DYTN: variants seen among roughly 807,000 people sequenced by gnomAD.
DYTN encodes dystrotelin.
DYTN carries 75 observed loss-of-function variants against 69.6 expected under a neutral mutation model. The observed-to-expected ratio is 1.08, with a 90% CI of 0.89 to 1.31. The LOEUF is 1.31. Among genes scored for constraint, DYTN ranks in the 50% most tolerant of loss-of-function variants. The pLI, the probability that DYTN is intolerant of heterozygous loss-of-function variation, is 0.00. For missense variants in DYTN, 726 were observed against 688.4 expected (o/e 1.05, Z -0.61); for synonymous variants, 252 against 249.1 (o/e 1.01, Z -0.11).
At chr2:206,657,347 C>T (rs997227207) in intron 11 of DYTN, among the ~76,000 whole-genome samples, 2 of 152,108 alleles carry the variant, frequency 1.3e-5, no homozygotes, top group African/African-American at 4.8e-5. Flanking sequence ...CAGCTTCAAG[C>T]TAGTAACTGC....
At chr2:206,681,676 G>A (rs372873602) in intron 9 of DYTN, among the ~76,000 whole-genome samples, 8 of 152,138 alleles carry the variant, frequency 5.3e-5, no homozygotes, top group African/African-American at 1.7e-4. Flanking sequence ...GATGGATTAT[G>A]TTTATTGCTT....
chr2:206,699,338 T>G lies in DYTN; in HGVS notation c.719+389A>C, dbSNP rs151003497. On this transcript the variant is annotated intron_variant, in intron 7 of 11. Coordinates refer to ENST00000452335, the MANE Select transcript of DYTN (RefSeq NM_001093730.1). ...CCCCCAGCTACCCAGGAGGCTGAGC[T>G]GCAAGGATGACTTCAGCTTAGGGGT... is the stretch of plus-strand genomic sequence containing the variant. Among the ~76,000 whole-genome samples the G allele has an allele frequency of 4.9e-3, 739 of 152,244 alleles. 4 individuals carry two copies. Among genetic ancestry groups the G allele is most frequent in the Middle Eastern group, 0.017 (5 of 294 alleles).
At chr2:206,668,774 G>A (rs1218954367) in intron 9 of DYTN, among the ~76,000 whole-genome samples, 6 of 152,124 alleles carry the variant, frequency 3.9e-5, no homozygotes, top group Non-Finnish European at 8.8e-5. Flanking sequence ...CACGTGTCAA[G>A]GGCAGGACCA....
intron 11 of DYTN, among the ~76,000 whole-genome samples, chr2:206,659,338 A>AT (rs759945310): frequency 4.7e-5 from 7 of 150,322 alleles, no homozygotes; most frequent in African/African-American, 1.2e-4. Flanking sequence ...CGCCCGGCTA[A>AT]TTTTTTTTGT....
intron 6 of DYTN, 107 bp downstream of exon 6, chr2:206,700,038 G>T: frequency 6.4e-7 from 1 of 1,550,956 alleles, no homozygotes; most frequent in East Asian, 2.3e-5. Flanking sequence ...TCAGTTATCT[G>T]AGATGCTATG....
chr2:206,659,469 G>A (rs1699484067), intron 11 of DYTN, among the ~76,000 whole-genome samples: 3 of 131,998 alleles, frequency 2.3e-5, no homozygotes, highest in South Asian at 2.5e-4. Context: ...CCACCACGCC[G>A]GGCCCAACAA....
chr2:206,690,222 G>A (rs886101311), intron 9 of DYTN, among the ~76,000 whole-genome samples: 2 of 152,186 alleles, frequency 1.3e-5, no homozygotes, highest in African/African-American at 2.4e-5. Context: ...AAGCCACGCA[G>A]GGAGGTGATC....
At chr2:206,706,430 G>A (rs1700025755) in intron 3 of DYTN, among the ~76,000 whole-genome samples, 1 of 151,470 alleles carries the variant, frequency 6.6e-6, no homozygotes, top group Non-Finnish European at 1.5e-5. Context: ...TAATGTTTAA[G>A]GAAGCTGAAA....
intron 9 of DYTN, among the ~76,000 whole-genome samples, chr2:206,690,339 G>C (rs1030997306): frequency 1.3e-5 from 2 of 152,192 alleles, no homozygotes; most frequent in African/African-American, 4.8e-5. Flanking sequence ...TGCAGTGGAG[G>C]ACCAAGAGCT....
chr2:206,705,041 G>A (rs1367974498), intron 4 of DYTN, 98 bp from the exon 5 acceptor site: 7 of 943,330 alleles, frequency 7.4e-6, no homozygotes, highest in African/African-American at 3.3e-5. Context: ...GGCTATGAAA[G>A]GAAAGAGAAG....
intron 1 of DYTN, among the ~76,000 whole-genome samples, chr2:206,713,025 C>T (rs1482246937): frequency 2.0e-5 from 3 of 152,336 alleles, no homozygotes; most frequent in East Asian, 3.9e-4. Flanking sequence ...CAGAGATGAA[C>T]TTAGAGATGG....
chr2:206,693,135 G>A (rs774748561), intron 9 of DYTN, 40 bp downstream of exon 9: 3 of 1,566,882 alleles, frequency 1.9e-6, no homozygotes, highest in South Asian at 2.3e-5. Flanking sequence ...GGCCCTTGGT[G>A]GCTGCTCTGT....
intron 9 of DYTN, among the ~76,000 whole-genome samples, chr2:206,676,145 A>ACATAGGTTTAATG (rs1699683524): frequency 6.6e-6 from 1 of 152,252 alleles, no homozygotes; most frequent in Non-Finnish European, 1.5e-5. Flanking sequence ...TTAATGCAGC[A>ACATAGGTTTAATG]CTATTCACAA....
chr2:206,686,517 C>T (rs556285502), intron 9 of DYTN: 1 of 152,440 alleles, frequency 6.6e-6, no homozygotes, highest in East Asian at 1.9e-4. Context: ...TGGGCTGAGT[C>T]CTGCAGAGCT....
chr2:206,704,753 G>C, intron 5 of DYTN, 90 bp downstream of exon 5: 2 of 1,113,148 alleles, frequency 1.8e-6, no homozygotes, highest in Non-Finnish European at 2.6e-6. Context: ...TATAAAGATA[G>C]ACTTGACACT....
chr2:206,705,255 C>T (rs1355437363), intron 4 of DYTN, among the ~76,000 whole-genome samples: 2 of 152,140 alleles, frequency 1.3e-5, no homozygotes, highest in African/African-American at 2.4e-5. Flanking sequence ...TGCCACCACA[C>T]CCGGCTAATT....
intron 9 of DYTN, among the ~76,000 whole-genome samples, chr2:206,677,256 C>A (rs1477458714): frequency 6.6e-6 from 1 of 152,074 alleles, no homozygotes; most frequent in East Asian, 1.9e-4. Flanking sequence ...GCATGTACAG[C>A]TTTTGCATGT....
intron 9 of DYTN, among the ~76,000 whole-genome samples, chr2:206,671,918 A>G (rs567017667): frequency 1.3e-5 from 2 of 152,358 alleles, no homozygotes; most frequent in South Asian, 4.1e-4. Context: ...CTTCAAAATG[A>G]AAAGCAATGC....
chr2:206,714,053 G>A (rs190293877), intron 1 of DYTN, among the ~76,000 whole-genome samples: 1 of 152,256 alleles, frequency 6.6e-6, no homozygotes, highest in East Asian at 1.9e-4. Context: ...GGTCATTTGT[G>A]GTGACATTCA....
Sources: allele counts gnomAD v4.1 joint callset (sites outside exome capture counted in the v4.1 genomes callset), GRCh38; gene constraint gnomAD v4.1.1; transcripts MANE v1.5; gene names NCBI Gene and HGNC (gene_info 2026-07-23, HGNC 2026-07-21).